Variants in PAPPA2 observed in about 807,000 individuals in gnomAD.
PAPPA2 encodes the protein pappalysin-2.
In PAPPA2, 86 loss-of-function variants were observed where a neutral mutation model predicts 176.4. The observed-to-expected ratio is 0.49, with a 90% CI of 0.41 to 0.58. The LOEUF is 0.58. PAPPA2 is among the 20% of genes least tolerant of loss of function. The pLI is 0.00. For missense variants in PAPPA2, 2,073 were observed against 2,256.9 expected, an observed-to-expected ratio of 0.92 and a Z score of 1.65; for synonymous variants, 809 against 852.2, an observed-to-expected ratio of 0.95 and a Z score of 0.88.
intron 1 of PAPPA2, among the ~76,000 whole-genome samples, chr1:176,506,682 A>G (rs1450925240): frequency 6.6e-6 from 1 of 152,038 alleles, no homozygotes; most frequent in African/African-American, 2.4e-5. Flanking sequence ...AAATGCTACT[A>G]ATTTATGTGC....
At chr1:176,646,589 C>A (rs1432179521) in intron 3 of PAPPA2, among the ~76,000 whole-genome samples, 1 of 150,340 alleles carries the variant, frequency 6.7e-6, no homozygotes, top group Non-Finnish European at 1.5e-5. Context: ...TGGTAATCAT[C>A]ATTTTACTCT....
intron 14 of PAPPA2, among the ~76,000 whole-genome samples, chr1:176,741,166 A>T (rs1304219400): frequency 6.6e-6 from 1 of 152,178 alleles, no homozygotes; most frequent in Non-Finnish European, 1.5e-5. Flanking sequence ...AGGGTGAGGA[A>T]TCTGGATACA....
intron 3 of PAPPA2, among the ~76,000 whole-genome samples, chr1:176,600,535 G>T (rs1236746756): frequency 1.3e-5 from 2 of 151,506 alleles, no homozygotes; most frequent in African/African-American, 4.9e-5. Context: ...AATTAGCCGG[G>T]CGTGGTAGCG....
chr1:176,771,782 A>G (rs1400835426), intron 17 of PAPPA2, among the ~76,000 whole-genome samples: 12 of 152,204 alleles, frequency 7.9e-5, no homozygotes, highest in Non-Finnish European at 2.9e-5. Context: ...CCATGGCAAG[A>G]AACACTTTTC....
At chr1:176,530,691 A>T (rs1649761118) in intron 1 of PAPPA2, among the ~76,000 whole-genome samples, 1 of 152,158 alleles carries the variant, frequency 6.6e-6, no homozygotes, top group Non-Finnish European at 1.5e-5. Context: ...ACATCCACCA[A>T]ATAGCTCTGT....
At chr1:176,758,172 A>T (rs1375098380) in intron 14 of PAPPA2, among the ~76,000 whole-genome samples, 1 of 152,262 alleles carries the variant, frequency 6.6e-6, no homozygotes, top group Non-Finnish European at 1.5e-5. Flanking sequence ...TGTTTCCCTC[A>T]GATGAGAATC....
chr1:176,509,021 C>CAT (rs1413716740), intron 1 of PAPPA2, among the ~76,000 whole-genome samples: 1 of 151,622 alleles, frequency 6.6e-6, no homozygotes, highest in Non-Finnish European at 1.5e-5. Context: ...AGCAGTCTGA[C>CAT]ATATATATAT....
chr1:176,824,915 C>T (rs749223892), intron 21 of PAPPA2, among the ~76,000 whole-genome samples: 2 of 152,160 alleles, frequency 1.3e-5, no homozygotes, highest in Non-Finnish European at 2.9e-5. Context: ...TTTAGAACTG[C>T]TTGTGACCCT....
intron 3 of PAPPA2, chr1:176,616,768 C>A: frequency 9.1e-7 from 1 of 1,101,236 alleles, no homozygotes; most frequent in East Asian, 2.7e-5. Context: ...TTCACAGGAG[C>A]TGGGTGGTTC....
chr1:176,516,336 A>C (rs1648912248), intron 1 of PAPPA2, among the ~76,000 whole-genome samples: 1 of 149,724 alleles, frequency 6.7e-6, no homozygotes, highest in Non-Finnish European at 1.5e-5. Flanking sequence ...TGAATACCTC[A>C]TTCTCATCAT....
At chr1:176,708,883 C>G (rs1445966789) in intron 10 of PAPPA2, among the ~76,000 whole-genome samples, 1 of 151,912 alleles carries the variant, frequency 6.6e-6, no homozygotes, top group African/African-American at 2.4e-5. Flanking sequence ...GAATATATAC[C>G]TAGGTGTTGT....
chr1:176,723,479 GT>G (rs11343754), intron 12 of PAPPA2, among the ~76,000 whole-genome samples: 132,332 of 150,468 alleles, frequency 0.88, 58,237 homozygotes, highest in East Asian at 0.98. Context: ...AGGTGGTTAG[GT>G]TTTTTTTTTT....
rs184772369 is a variant in PAPPA2 at position 176,508,377 on chromosome 1, T to C, written c.-917+44959T>C. Among the ~76,000 whole-genome samples, 13 of 152,146 alleles carry C rather than the reference T, an allele frequency of 8.5e-5. No homozygotes were observed. The East Asian group carries it at 2.5e-3, about 29-fold the overall frequency. ...AAACAGCTATTGTAAATATGCATAA[T>C]TATTTAAAGAAAAATATGAACACTG... On this transcript the variant is annotated intron_variant, in intron 1 of 22. Transcript: ENST00000367662.
chr1:176,576,941 T>C (rs1363925689), intron 2 of PAPPA2, among the ~76,000 whole-genome samples: 2 of 152,122 alleles, frequency 1.3e-5, no homozygotes, highest in Non-Finnish European at 2.9e-5. Context: ...CCCGGGTTGT[T>C]TGTATCCACA....
intron 8 of PAPPA2, among the ~76,000 whole-genome samples, chr1:176,699,817 G>A (rs1228692786): frequency 6.6e-6 from 1 of 152,152 alleles, no homozygotes; most frequent in Non-Finnish European, 1.5e-5. Flanking sequence ...ATGGACAAAA[G>A]GTTAGTGTAT....
chr1:176,727,332 TAA>T (rs1388797584), intron 12 of PAPPA2, among the ~76,000 whole-genome samples: 1 of 152,024 alleles, frequency 6.6e-6, no homozygotes. Context: ...ACACTTCAAA[TAA>T]AAAGACATGT....
chr1:176,566,126 A>G (rs560590343), intron 2 of PAPPA2, among the ~76,000 whole-genome samples: 2 of 152,332 alleles, frequency 1.3e-5, no homozygotes, highest in African/African-American at 4.8e-5. Context: ...TGAAGCTCAC[A>G]TAGCTCACAT....
At chr1:176,596,500 G>T (rs1296470773) in intron 3 of PAPPA2, among the ~76,000 whole-genome samples, 1 of 152,116 alleles carries the variant, frequency 6.6e-6, no homozygotes, top group African/African-American at 2.4e-5. Context: ...TTACCACCTG[G>T]GAGGCCTTTC....
intron 21 of PAPPA2, among the ~76,000 whole-genome samples, chr1:176,838,982 T>A (rs1352746777): frequency 2.6e-5 from 4 of 152,252 alleles, no homozygotes; most frequent in African/African-American, 9.6e-5. Context: ...AATTATTTAA[T>A]GGCCATTTTT....
Sources: gnomAD v4.1 joint callset for allele counts (sites outside exome capture counted in the v4.1 genomes callset) on GRCh38, gnomAD v4.1.1 for gene constraint, MANE v1.5 for transcripts, NCBI Gene and HGNC (gene_info 2026-07-23, HGNC 2026-07-21) for gene names.